The following PHLDB2 variants were observed in gnomAD, a reference collection of about 807,000 sequenced individuals.
PHLDB2 encodes pleckstrin homology like domain family B member 2.
A neutral mutation model predicts 123.6 loss-of-function variants in PHLDB2; 71 were observed. That is an observed-to-expected ratio of 0.57 (90% CI 0.47 to 0.70). The LOEUF (loss-of-function observed/expected upper bound fraction) is 0.70, where lower values mean the gene tolerates loss of function less well. PHLDB2 is among the 30% of genes least tolerant of loss of function. The pLI is 0.00. For synonymous variants in PHLDB2, 547 were observed against 541.6 expected (o/e 1.01, Z -0.14); for missense variants, 1,446 against 1,519.5 (o/e 0.95, Z 0.80).
intron 16 of PHLDB2, among the ~76,000 whole-genome samples, chr3:111,971,070 G>A (rs891090383): frequency 6.6e-6 from 1 of 152,170 alleles, no homozygotes; most frequent in Non-Finnish European, 1.5e-5. Context: ...CCGATGGCCT[G>A]CCGGTCCTAG....
At chr3:111,755,935 G>T (rs1182220475) in intron 1 of PHLDB2, among the ~76,000 whole-genome samples, 7 of 151,260 alleles carry the variant, frequency 4.6e-5, no homozygotes, top group African/African-American at 1.7e-4. Flanking sequence ...GGAGCAGGTT[G>T]TTCAGTTTCC....
rs1294011515 is a variant in PHLDB2, at chr3:111,831,034, GAAGGAAGGAAGA to G, written c.-48-14783_-48-14772del. 2.4e-3 allele frequency among the ~76,000 whole-genome samples: 113 copies of G among 46,168 alleles called. 3 individuals carry two copies. Among genetic ancestry groups the G allele is most frequent in the African/African-American group, 9.0e-3 (109 of 12,046 alleles). The allele number at this position is 46,168 out of a possible 152,430, so 30.3% of individuals were successfully genotyped here. On this transcript the variant is annotated intron_variant, in intron 1 of 17. Transcript: ENST00000393923. The stretch of plus-strand genomic sequence containing the variant: ...GAAAGAAAGAAAGAAAGAAAGAAAG[GAAGGAAGGAAGA>G]AAGAGAAAAGAGAGAGATAGAGAGA...
intron 1 of PHLDB2, among the ~76,000 whole-genome samples, chr3:111,820,840 A>T (rs957830092): frequency 1.3e-5 from 2 of 152,254 alleles, no homozygotes; most frequent in African/African-American, 4.8e-5. Context: ...CCCAAGTATA[A>T]GGACAGTACT....
chr3:111,868,493 T>G (rs2065190188), intron 1 of PHLDB2, among the ~76,000 whole-genome samples: 1 of 152,144 alleles, frequency 6.6e-6, no homozygotes. Context: ...CTCCCACCCC[T>G]GGGGACTTTC....
chr3:111,885,867 A>T (rs897502264), intron 2 of PHLDB2: 12 of 485,316 alleles, frequency 2.5e-5, no homozygotes, highest in African/African-American at 1.8e-4. Context: ...CAAGTTGTCT[A>T]GAAAGTTGGA....
At chr3:111,966,427 C>T (rs1017329568) in intron 13 of PHLDB2, among the ~76,000 whole-genome samples, 186 bp from the exon 14 acceptor site, 3 of 152,030 alleles carry the variant, frequency 2.0e-5, no homozygotes, top group African/African-American at 7.2e-5. Flanking sequence ...TTTGCCTCTT[C>T]GGTCCAATGA....
At chr3:111,740,539 C>A (rs2059585214) in intron 1 of PHLDB2, among the ~76,000 whole-genome samples, 1 of 152,188 alleles carries the variant, frequency 6.6e-6, no homozygotes, top group African/African-American at 2.4e-5. Context: ...ATACCCACTT[C>A]TCTGTTTCTA....
At chr3:111,950,873 A>G (rs1337008779) in intron 10 of PHLDB2, among the ~76,000 whole-genome samples, 3 of 152,356 alleles carry the variant, frequency 2.0e-5, no homozygotes, top group Admixed American at 6.5e-5. Context: ...TATACAAGGA[A>G]GAAACAAGGA....
intron 2 of PHLDB2, among the ~76,000 whole-genome samples, chr3:111,910,662 C>T (rs2067833469): frequency 6.6e-6 from 1 of 152,164 alleles, no homozygotes; most frequent in South Asian, 2.1e-4. Context: ...ATGCAGGTTG[C>T]AGGCTATTGG....
intron 2 of PHLDB2, among the ~76,000 whole-genome samples, chr3:111,903,690 C>T (rs113852187): frequency 0.016 from 2,362 of 152,198 alleles, 65 homozygotes; most frequent in African/African-American, 0.053. Flanking sequence ...TGACAGAAAC[C>T]GTCCTAACCA....
chr3:111,757,665 C>T (rs750488901), intron 1 of PHLDB2, among the ~76,000 whole-genome samples: 2 of 152,166 alleles, frequency 1.3e-5, no homozygotes, highest in Non-Finnish European at 2.9e-5. Context: ...TTTAGAGTTT[C>T]CAGTTTTTCT....
At chr3:111,858,708 TACA>T (rs900561572), upstream of PHLDB2, among the ~76,000 whole-genome samples, 2 of 152,186 alleles carry the variant, frequency 1.3e-5, no homozygotes, top group African/African-American at 2.4e-5. Flanking sequence ...TGCTGGGAGC[TACA>T]ACAACTTGCC....
chr3:111,770,004 A>G (rs145489880), intron 1 of PHLDB2, among the ~76,000 whole-genome samples: 1 of 152,368 alleles, frequency 6.6e-6, no homozygotes, highest in African/African-American at 2.4e-5. Flanking sequence ...CGTCTCAGAT[A>G]ATTTTACCAA....
At position 111,884,925 on chromosome 3, in the gene PHLDB2, G is replaced by C. The variant is rs770741178; in HGVS notation, c.848G>C (p.Arg283Pro). The C allele has an allele frequency of 1.2e-6, 2 of 1,613,910 alleles. No individual in the cohort carries two copies. Among genetic ancestry groups the C allele is most frequent in the South Asian group, 1.1e-5 (1 of 91,032 alleles). Residue 283 changes from arginine (R) to proline (P), a missense_variant, in exon 2 of 18, where the codon CGA becomes CCA. Coordinates refer to ENST00000431670, the MANE Select transcript of PHLDB2 (RefSeq NM_001134438.2). ...PPRNSLGNSK[R>P]TKLGEKDLPH... ...AGAAACTCTCTGGGCAATTCCAAAC[G>C]AACAAAACTTGGGGAAAAGGATCTA...
At chr3:111,806,285 A>G (rs1392329795) in intron 1 of PHLDB2, among the ~76,000 whole-genome samples, 1 of 152,094 alleles carries the variant, frequency 6.6e-6, no homozygotes, top group Admixed American at 6.5e-5. Flanking sequence ...AAACATACCC[A>G]TCACACCAGA....
intron 1 of PHLDB2, among the ~76,000 whole-genome samples, chr3:111,754,635 C>T (rs1423408979): frequency 7.2e-6 from 1 of 139,512 alleles, no homozygotes. Context: ...AATTGAATAC[C>T]CTTTATTTCC....
intron 7 of PHLDB2, 114 bp downstream of exon 7, chr3:111,939,744 G>A (rs554303015): frequency 4.7e-6 from 5 of 1,061,400 alleles, no homozygotes; most frequent in African/African-American, 3.2e-5. Flanking sequence ...AGTCTGCCAT[G>A]TATGTGGCAA....
intron 1 of PHLDB2, among the ~76,000 whole-genome samples, chr3:111,735,794 C>CT (rs368824343): frequency 6.6e-6 from 1 of 152,198 alleles, no homozygotes; most frequent in Non-Finnish European, 1.5e-5. Flanking sequence ...CTTATCTACA[C>CT]TTTTTTTCAT....
chr3:111,783,876 T>C (rs1014726032), intron 1 of PHLDB2, among the ~76,000 whole-genome samples: 2 of 152,154 alleles, frequency 1.3e-5, no homozygotes, highest in South Asian at 4.1e-4. Context: ...AGTAAGGCTC[T>C]TGACAAAGTT....
Sources: gnomAD v4.1 joint callset for allele counts (sites outside exome capture counted in the v4.1 genomes callset) on GRCh38, gnomAD v4.1.1 for gene constraint, MANE v1.5 for transcripts, NCBI Gene and HGNC (gene_info 2026-07-23, HGNC 2026-07-21) for gene names.